Variants in GRID2 observed in about 807,000 individuals in gnomAD.
The protein encoded by GRID2 is glutamate ionotropic receptor delta type subunit 2, also known as glutamate receptor ionotropic, delta-2.
GRID2 carries 33 observed loss-of-function variants against 114.8 expected under a neutral mutation model. The observed-to-expected ratio is 0.29, with a 90% CI of 0.22 to 0.38. GRID2 has a LOEUF of 0.38. Among genes scored for constraint, GRID2 ranks in the 10% least tolerant of loss-of-function variants. The pLI, the probability that GRID2 is intolerant of heterozygous loss-of-function variation, is 1.00. For missense variants in GRID2, 1,184 were observed against 1,257.7 expected (o/e 0.94, Z 0.89); for synonymous variants, 505 against 449.9 (o/e 1.12, Z -1.55).
intron 1 of GRID2, among the ~76,000 whole-genome samples, chr4:92,313,671 T>G (rs1186872543): frequency 6.6e-6 from 1 of 152,020 alleles, no homozygotes; most frequent in Non-Finnish European, 1.5e-5. Flanking sequence ...GTACATGGTA[T>G]TCTGGAAGCC....
At chr4:92,648,292 G>A (rs1362336191) in intron 2 of GRID2, among the ~76,000 whole-genome samples, 1 of 149,378 alleles carries the variant, frequency 6.7e-6, no homozygotes, top group African/African-American at 2.5e-5. Flanking sequence ...GTGCATACGG[G>A]TGCATCCCCA....
chr4:92,968,424 T>C lies in GRID2; in HGVS notation c.245-116571T>C, dbSNP rs989563936. Among the ~76,000 whole-genome samples, 4 of 152,004 alleles carry C rather than the reference T, an allele frequency of 2.6e-5. No homozygotes were observed. The South Asian group carries it at 6.2e-4, about 24-fold the overall frequency. Reference sequence around the variant, plus strand: ...GAATTTGTTCAGTAATAATTAGTGTTGAACCTCAAAGCCAAGCTATTAGGC... The same window carrying C: ...GAATTTGTTCAGTAATAATTAGTGTCGAACCTCAAAGCCAAGCTATTAGGC... On this transcript the variant is annotated intron_variant, in intron 2 of 15. Coordinates refer to ENST00000282020, the MANE Select transcript of GRID2 (RefSeq NM_001510.4).
intron 8 of GRID2, among the ~76,000 whole-genome samples, chr4:93,356,202 T>G (rs17330230): frequency 6.6e-6 from 1 of 152,056 alleles, no homozygotes; most frequent in South Asian, 2.1e-4. Context: ...ACTGTGCTAC[T>G]TCTTGCCATC....
chr4:92,701,860 G>A (rs967309583), intron 2 of GRID2, among the ~76,000 whole-genome samples: 1 of 151,962 alleles, frequency 6.6e-6, no homozygotes, highest in Non-Finnish European at 1.5e-5. Flanking sequence ...GGGCGACCTC[G>A]GGGCATAATC....
intron 2 of GRID2, among the ~76,000 whole-genome samples, chr4:93,050,892 A>T (rs904694230): frequency 6.6e-6 from 1 of 152,068 alleles, no homozygotes; most frequent in Non-Finnish European, 1.5e-5. Flanking sequence ...CAGGCGTTGC[A>T]GCATTTTAAT....
At chr4:92,526,003 A>G (rs1725024859) in intron 1 of GRID2, among the ~76,000 whole-genome samples, 1 of 152,108 alleles carries the variant, frequency 6.6e-6, no homozygotes. Context: ...ACGGATGAAA[A>G]CAGAGGTTCT....
chr4:92,688,450 G>T (rs1209827476), intron 2 of GRID2, among the ~76,000 whole-genome samples: 2 of 152,100 alleles, frequency 1.3e-5, no homozygotes, highest in Non-Finnish European at 2.9e-5. Flanking sequence ...AAACTCTGCA[G>T]CTGCTGTATC....
intron 2 of GRID2, among the ~76,000 whole-genome samples, chr4:92,640,404 G>A (rs1055541371): frequency 2.0e-5 from 3 of 151,768 alleles, no homozygotes; most frequent in Non-Finnish European, 2.9e-5. Flanking sequence ...CTGAAGAAAT[G>A]TTCCACTGAG....
rs1030578537 is a variant in GRID2 at position 92,940,172 on chromosome 4, A to C, written c.245-144823A>C. 4.1e-5 allele frequency among the ~76,000 whole-genome samples: 6 copies of C among 147,082 alleles called. 2 individuals carry two copies. The South Asian group carries it at 1.4e-3, about 34-fold the overall frequency. On this transcript the variant is annotated intron_variant, in intron 2 of 15. Coordinates refer to ENST00000282020, the MANE Select transcript of GRID2 (RefSeq NM_001510.4). ...TACCTTGAGCAGTTTGGCCATTTTCACAATATTGATTCTTCCTACCCATGA... is the reference window on the plus strand; with the variant it reads ...TACCTTGAGCAGTTTGGCCATTTTCCCAATATTGATTCTTCCTACCCATGA...
At chr4:92,994,411 G>T (rs747697502) in intron 2 of GRID2, among the ~76,000 whole-genome samples, 1 of 151,992 alleles carries the variant, frequency 6.6e-6, no homozygotes, top group Admixed American at 6.6e-5. Context: ...GGAGTGCAAC[G>T]GCGGGATCTT....
At chr4:92,687,027 T>G (rs1296902076) in intron 2 of GRID2, among the ~76,000 whole-genome samples, 1 of 152,190 alleles carries the variant, frequency 6.6e-6, no homozygotes, top group Admixed American at 6.5e-5. Context: ...ATTTATTTCA[T>G]GTAAGGCTGA....
At chr4:92,857,493 G>A (rs1005531298) in intron 2 of GRID2, among the ~76,000 whole-genome samples, 1 of 152,160 alleles carries the variant, frequency 6.6e-6, no homozygotes, top group African/African-American at 2.4e-5. Context: ...GAAGACCAAA[G>A]CAGCCACAGC....
At chr4:92,339,510 C>T (rs1022565564) in intron 1 of GRID2, among the ~76,000 whole-genome samples, 1 of 151,956 alleles carries the variant, frequency 6.6e-6, no homozygotes, top group Non-Finnish European at 1.5e-5. Flanking sequence ...TGGTGCTTAT[C>T]ATATTTCATA....
Position 92,623,093 on chromosome 4 carries a change from A to T in GRID2, c.244+32807A>T, listed in dbSNP as rs556042531. 3.3e-5 allele frequency among the ~76,000 whole-genome samples: 5 copies of T among 151,860 alleles called. 1 individual carries two copies. The highest frequency in any genetic ancestry group is 1.2e-4 in the African/African-American group (5 of 41,522). On this transcript the variant is annotated intron_variant, in intron 2 of 15. Coordinates refer to ENST00000282020, the MANE Select transcript of GRID2 (RefSeq NM_001510.4). ...ACTTTAAATTGGTCTATAAAAAACT[A>T]ATAAAATTTCAAAGATTTCAGGCTG...
intron 13 of GRID2, among the ~76,000 whole-genome samples, chr4:93,540,135 A>G (rs998318666): frequency 1.3e-5 from 2 of 150,974 alleles, no homozygotes; most frequent in Admixed American, 1.3e-4. Context: ...ATCTTTCAAA[A>G]CTCCTGTTTT....
At chr4:92,388,595 A>G (rs1472638417) in intron 1 of GRID2, among the ~76,000 whole-genome samples, 1 of 152,002 alleles carries the variant, frequency 6.6e-6, no homozygotes, top group Non-Finnish European at 1.5e-5. Flanking sequence ...GGAATTCTGC[A>G]TTGTTTTCCG....
At chr4:92,318,488 A>G (rs904791327) in intron 1 of GRID2, among the ~76,000 whole-genome samples, 3 of 141,326 alleles carry the variant, frequency 2.1e-5, no homozygotes, top group Admixed American at 7.2e-5. Context: ...AGTGCATACT[A>G]TATGCCTATA....
intron 2 of GRID2, among the ~76,000 whole-genome samples, chr4:92,951,454 T>C (rs1274875997): frequency 6.6e-6 from 1 of 151,908 alleles, no homozygotes; most frequent in Non-Finnish European, 1.5e-5. Context: ...AATTCTCTCA[T>C]CTCAGCCTCC....
At chr4:93,631,530 A>G (rs567070696) in intron 14 of GRID2, among the ~76,000 whole-genome samples, 2 of 152,252 alleles carry the variant, frequency 1.3e-5, no homozygotes, top group East Asian at 3.9e-4. Flanking sequence ...CTATGTCCCT[A>G]CAAAGGACAT....
Sources: gnomAD v4.1 joint callset for allele counts (sites outside exome capture counted in the v4.1 genomes callset) on GRCh38, gnomAD v4.1.1 for gene constraint, MANE v1.5 for transcripts, NCBI Gene and HGNC (gene_info 2026-07-23, HGNC 2026-07-21) for gene names.